Variants in ARB2A observed in about 807,000 individuals in gnomAD.
ARB2A encodes the protein cotranscriptional regulator ARB2A.
chr5:94,067,376 A>C, the ARB2A span, among the ~76,000 whole-genome samples: 1 of 152,312 alleles, frequency 6.6e-6, no homozygotes, highest in East Asian at 1.9e-4. Context: ...AAAAGCATCC[A>C]AATTGGAAAA....
chr5:93,763,179 C>T, the ARB2A span, among the ~76,000 whole-genome samples: 1 of 151,856 alleles, frequency 6.6e-6, no homozygotes, highest in African/African-American at 2.4e-5. Context: ...ATGACAGGAT[C>T]AAATTCACAC....
the ARB2A span, among the ~76,000 whole-genome samples, chr5:93,674,396 G>C: frequency 6.6e-6 from 1 of 152,296 alleles, no homozygotes; most frequent in Admixed American, 6.5e-5. Flanking sequence ...CATGACCTCA[G>C]AGCATTCGTG....
the ARB2A span, among the ~76,000 whole-genome samples, chr5:93,800,986 G>A: frequency 1.3e-5 from 2 of 152,098 alleles, no homozygotes; most frequent in East Asian, 3.9e-4. Context: ...TAGGATCACT[G>A]ACAGTAATTT....
the ARB2A span, among the ~76,000 whole-genome samples, chr5:93,655,312 T>C: frequency 6.6e-6 from 1 of 152,234 alleles, no homozygotes; most frequent in Admixed American, 6.5e-5. Context: ...CATGTAAATA[T>C]ATAAACTAGA....
the ARB2A span, among the ~76,000 whole-genome samples, chr5:93,755,292 C>T: frequency 6.6e-6 from 1 of 152,220 alleles, no homozygotes; most frequent in African/African-American, 2.4e-5. Flanking sequence ...TTACACCATT[C>T]TCTGAATAAC....
At chr5:93,622,867 A>G in the ARB2A span, among the ~76,000 whole-genome samples, 2 of 152,182 alleles carry the variant, frequency 1.3e-5, no homozygotes, top group African/African-American at 2.4e-5. Context: ...TTATATATAT[A>G]TGCCTGCTTG....
chr5:93,985,384 C>T, the ARB2A span, among the ~76,000 whole-genome samples: 3 of 151,868 alleles, frequency 2.0e-5, no homozygotes, highest in South Asian at 2.1e-4. Flanking sequence ...TCTCCCTCTC[C>T]CTCTTTCCAT....
the ARB2A span, among the ~76,000 whole-genome samples, chr5:93,918,569 C>T: frequency 6.6e-6 from 1 of 151,414 alleles, no homozygotes; most frequent in Non-Finnish European, 1.5e-5. Context: ...TTACAAGCAC[C>T]CGCCATCATG....
the ARB2A span, among the ~76,000 whole-genome samples, chr5:94,103,000 T>C: frequency 3.3e-5 from 5 of 152,104 alleles, no homozygotes; most frequent in Non-Finnish European, 5.9e-5. Context: ...ACCTGCCTTA[T>C]AAGAGGTCCT....
the ARB2A span, among the ~76,000 whole-genome samples, chr5:93,922,601 GGGGAA>G: frequency 1.7e-5 from 2 of 120,940 alleles, no homozygotes; most frequent in Non-Finnish European, 3.5e-5. Context: ...GGGGAGGGGA[GGGGAA>G]GGGAGGGGAG....
chr5:93,914,089 G>C, the ARB2A span, among the ~76,000 whole-genome samples: 1 of 151,822 alleles, frequency 6.6e-6, no homozygotes, highest in Non-Finnish European at 1.5e-5. Context: ...AGTGAACAAA[G>C]AAAGTCACAG....
chr5:94,092,451 C>CTA, the ARB2A span, among the ~76,000 whole-genome samples: 1 of 152,178 alleles, frequency 6.6e-6, no homozygotes, highest in African/African-American at 2.4e-5. Flanking sequence ...TATATCATGA[C>CTA]TATCTAGGAC....
the ARB2A span, among the ~76,000 whole-genome samples, chr5:93,747,332 G>C: frequency 6.6e-6 from 1 of 152,038 alleles, no homozygotes; most frequent in Non-Finnish European, 1.5e-5. Context: ...AGGCCTCTGA[G>C]AATTTCCTTG....
the ARB2A span, among the ~76,000 whole-genome samples, chr5:93,953,834 G>A: frequency 5.9e-5 from 9 of 151,998 alleles, no homozygotes; most frequent in African/African-American, 1.2e-4. Flanking sequence ...CTAAGCACCC[G>A]AGACACAAGA....
the ARB2A span, among the ~76,000 whole-genome samples, chr5:93,678,767 A>C: frequency 6.6e-6 from 1 of 151,930 alleles, no homozygotes. Context: ...AAAAAAAAAA[A>C]GCAATATAAC....
At chr5:93,822,641 T>C in the ARB2A span, among the ~76,000 whole-genome samples, 1 of 151,962 alleles carries the variant, frequency 6.6e-6, no homozygotes, top group African/African-American at 2.4e-5. Context: ...GATATATATA[T>C]CTATATAGCT....
the ARB2A span, among the ~76,000 whole-genome samples, chr5:93,783,348 T>C: frequency 3.3e-5 from 5 of 152,314 alleles, no homozygotes; most frequent in Non-Finnish European, 5.9e-5. Context: ...TTTTAGACTT[T>C]TGTATGATGA....
the ARB2A span, among the ~76,000 whole-genome samples, chr5:93,840,919 G>C: frequency 6.6e-6 from 1 of 152,110 alleles, no homozygotes; most frequent in African/African-American, 2.4e-5. Flanking sequence ...ATTATTTACA[G>C]ACAGGGTGAC....
the ARB2A span, chr5:94,074,587 T>G: frequency 7.6e-7 from 1 of 1,316,674 alleles, no homozygotes; most frequent in East Asian, 2.3e-5. Flanking sequence ...CACCTAAATA[T>G]TCCTACACCT....
Sources: gnomAD v4.1 joint callset for allele counts (sites outside exome capture counted in the v4.1 genomes callset) on GRCh38, gnomAD v4.1.1 for gene constraint, MANE v1.5 for transcripts, NCBI Gene and HGNC (gene_info 2026-07-23, HGNC 2026-07-21) for gene names.